JAZF1: variants seen among roughly 807,000 people sequenced by gnomAD.
JAZF1 encodes the protein juxtaposed with another zinc finger protein 1.
JAZF1 carries 8 observed loss-of-function variants against 26.4 expected under a neutral mutation model. The observed-to-expected ratio is 0.30, with a 90% confidence interval of 0.18 to 0.55. JAZF1 has a LOEUF of 0.55. Among genes scored for constraint, JAZF1 ranks in the 20% least tolerant of loss-of-function variants. The pLI is 0.94. For synonymous variants in JAZF1, 126 were observed against 122.3 expected (o/e 1.03, Z -0.20); for missense variants, 199 against 322.0 (o/e 0.62, Z 2.92).
chr7:27,890,784 CTTTTTT>C (rs70977008), intron 3 of JAZF1, among the ~76,000 whole-genome samples: 5 of 92,004 alleles, frequency 5.4e-5, no homozygotes, highest in African/African-American at 1.8e-4. Context: ...GATGTTACTA[CTTTTTT>C]TTTTTTTTTT....
intron 3 of JAZF1, among the ~76,000 whole-genome samples, chr7:27,872,113 C>T (rs1005839120): frequency 6.6e-6 from 1 of 152,206 alleles, no homozygotes; most frequent in African/African-American, 2.4e-5. Context: ...CAGCAAGCTC[C>T]ATTCTCCACA....
At chr7:27,864,216 G>A (rs1210622810) in intron 3 of JAZF1, 1 of 152,132 alleles carries the variant, frequency 6.6e-6, no homozygotes, top group Non-Finnish European at 1.5e-5. Context: ...CATGGCCCGC[G>A]ATTTAATTTG....
At chr7:27,917,896 A>G (rs766108511) in intron 2 of JAZF1, among the ~76,000 whole-genome samples, 3 of 152,166 alleles carry the variant, frequency 2.0e-5, no homozygotes, top group Non-Finnish European at 4.4e-5. Flanking sequence ...TCTTTCCCAC[A>G]TATTTCTGAC....
intron 1 of JAZF1, among the ~76,000 whole-genome samples, chr7:28,104,333 C>T (rs1784519418): frequency 6.6e-6 from 1 of 152,208 alleles, no homozygotes; most frequent in Non-Finnish European, 1.5e-5. Flanking sequence ...ACAGCTAACA[C>T]ATAAATTCCA....
chr7:28,044,214 C>A (rs1446387430), intron 1 of JAZF1, among the ~76,000 whole-genome samples: 1 of 152,228 alleles, frequency 6.6e-6, no homozygotes, highest in South Asian at 2.1e-4. Flanking sequence ...TAAAATATAT[C>A]TCATCTCTTC....
At chr7:27,891,025 A>G (rs1783967018) in intron 3 of JAZF1, among the ~76,000 whole-genome samples, 1 of 152,006 alleles carries the variant, frequency 6.6e-6, no homozygotes, top group East Asian at 1.9e-4. Flanking sequence ...CCTGACCTCA[A>G]GTGATTCGCC....
rs1783618748 is a variant in JAZF1 at position 28,051,574 on chromosome 7, T to C, written c.116-59593A>G. 2.0e-5 allele frequency among the ~76,000 whole-genome samples: 3 copies of C among 152,140 alleles called. No homozygotes were observed. The South Asian group carries it at 6.2e-4, about 31-fold the overall frequency. On this transcript the variant is annotated intron_variant, in intron 1 of 4. Coordinates refer to ENST00000283928, the MANE Select transcript of JAZF1 (RefSeq NM_175061.4). ...TCTAGTAAAGTTCTGCATTGTCTCC[T>C]GCAAACTGGCTCCTGAAACCTAATT...
At chr7:28,080,997 G>A (rs780519152) in intron 1 of JAZF1, among the ~76,000 whole-genome samples, 14 of 152,172 alleles carry the variant, frequency 9.2e-5, no homozygotes, top group Non-Finnish European at 1.9e-4. Context: ...GCCTGTAGGG[G>A]GGAAGGGAGG....
At position 27,904,294 on chromosome 7, in the gene JAZF1, G is replaced by A. The variant is rs147235756; in HGVS notation, c.189-8878C>T. 3.5e-3 allele frequency among the ~76,000 whole-genome samples: 529 copies of A among 152,266 alleles called. 4 individuals carry two copies. The highest frequency in any genetic ancestry group is 0.012 in the African/African-American group (501 of 41,562). On this transcript the variant is annotated intron_variant, in intron 2 of 4. Transcript: ENST00000283928. Reference sequence around the variant, plus strand: ...TCAATGTAATGATGGCTTTCAGAACGTACATCTGCTAATAAATTCATGTGG... The same window carrying A: ...TCAATGTAATGATGGCTTTCAGAACATACATCTGCTAATAAATTCATGTGG...
intron 1 of JAZF1, among the ~76,000 whole-genome samples, chr7:28,043,106 T>A (rs1277918447): frequency 6.6e-6 from 1 of 152,132 alleles, no homozygotes; most frequent in African/African-American, 2.4e-5. Context: ...TATATGGGAA[T>A]ACTGAATGAG....
chr7:28,114,692 G>A (rs1784714512), intron 1 of JAZF1, among the ~76,000 whole-genome samples: 1 of 151,116 alleles, frequency 6.6e-6, no homozygotes, highest in Non-Finnish European at 1.5e-5. Context: ...TGCCCTTGAG[G>A]TGCTCCCAGT....
At chr7:28,107,530 G>T (rs1784571375) in intron 1 of JAZF1, among the ~76,000 whole-genome samples, 2 of 152,136 alleles carry the variant, frequency 1.3e-5, no homozygotes, top group African/African-American at 4.8e-5. Context: ...TAGGAATCTA[G>T]TGTCTCCATG....
chr7:27,881,728 G>C (rs1783775806), intron 3 of JAZF1, among the ~76,000 whole-genome samples: 2 of 152,172 alleles, frequency 1.3e-5, no homozygotes, highest in African/African-American at 4.8e-5. Flanking sequence ...ACCCCAGACA[G>C]TTCTGTCTAG....
At chr7:27,917,420 C>T (rs1784459672) in intron 2 of JAZF1, among the ~76,000 whole-genome samples, 1 of 152,196 alleles carries the variant, frequency 6.6e-6, no homozygotes, top group Non-Finnish European at 1.5e-5. Flanking sequence ...CCAACTGCTT[C>T]CATTAGCTTA....
At chr7:28,036,302 C>G (rs1783292064) in intron 1 of JAZF1, among the ~76,000 whole-genome samples, 1 of 152,242 alleles carries the variant, frequency 6.6e-6, no homozygotes, top group Non-Finnish European at 1.5e-5. Flanking sequence ...CACTGATTAA[C>G]AAACTACTGA....
At chr7:28,179,052 T>A (rs911473587) in intron 1 of JAZF1, among the ~76,000 whole-genome samples, 1 of 152,240 alleles carries the variant, frequency 6.6e-6, no homozygotes, top group African/African-American at 2.4e-5. Context: ...TATTCCTGCA[T>A]AAATACACAG....
In JAZF1 at chr7:27,831,351, T is replaced by C. The variant is rs751338914; in HGVS notation, c.*1449A>G. 9 of 227,232 alleles carry C rather than the reference T, an allele frequency of 4.0e-5. No homozygotes were observed. Among genetic ancestry groups the C allele is most frequent in the Non-Finnish European group, 6.1e-5 (7 of 114,122 alleles). The allele number at this position is 227,232 out of a possible 1,614,324, so 14.1% of individuals were successfully genotyped here. A position where few individuals can be genotyped will look rare whatever the true frequency, so the allele number is the denominator to read the frequency against. ...CAAATGGGAACATGGGAAGAAACTT[T>C]ATAAGCAATTTGAGTTTGTTTTATG... is the stretch of plus-strand genomic sequence containing the variant. On this transcript the variant is annotated 3_prime_UTR_variant, in exon 5 of 5. Transcript: ENST00000283928.
intron 1 of JAZF1, among the ~76,000 whole-genome samples, chr7:28,102,722 G>A (rs768176078): frequency 2.6e-5 from 4 of 152,004 alleles, no homozygotes; most frequent in Non-Finnish European, 5.9e-5. Flanking sequence ...TTGCTTCTCT[G>A]TTTTTCTAAT....
At chr7:28,035,337 A>C (rs1783270995) in intron 1 of JAZF1, among the ~76,000 whole-genome samples, 1 of 145,734 alleles carries the variant, frequency 6.9e-6, no homozygotes, top group African/African-American at 2.5e-5. Context: ...AAAAAAAAAA[A>C]AAAAAAGAAA....
Sources: gnomAD v4.1 joint callset for allele counts (sites outside exome capture counted in the v4.1 genomes callset) on GRCh38, gnomAD v4.1.1 for gene constraint, MANE v1.5 for transcripts, NCBI Gene and HGNC (gene_info 2026-07-23, HGNC 2026-07-21) for gene names.